Variants in FERMT3 observed in about 807,000 individuals in gnomAD.
FERMT3 encodes fermitin family homolog 3.
Under a neutral mutation model 80.8 loss-of-function variants are expected in FERMT3, and 33 were observed. The ratio of observed to expected loss-of-function variants is 0.41; its 90% CI spans 0.31 to 0.55. FERMT3 has a LOEUF of 0.55. Ranked by LOEUF, FERMT3 falls within the 20% of genes least tolerant of loss-of-function variation. FERMT3 has a pLI of 0.31. For missense variants in FERMT3, 754 were observed against 908.7 expected (o/e 0.83, Z 2.19); for synonymous variants, 375 against 372.2 (o/e 1.01, Z -0.09).
At position 64,219,288 on chromosome 11, in the gene FERMT3, C is replaced by T. The variant is rs1321313679; in HGVS notation, c.824C>T (p.Ala275Val). 6.2e-7 allele frequency: 1 copy of T among 1,607,936 alleles called. No homozygotes were observed. Among genetic ancestry groups the T allele is most frequent in the African/African-American group, 1.3e-5 (1 of 74,742 alleles). The change falls in exon 7 of 15, where the codon GCC becomes GTC. Residue 275 changes from alanine to valine, a missense_variant. Physicochemically the swap from Ala to Val is moderately conservative, Grantham distance 64 (BLOSUM62 0). Coordinates refer to ENST00000345728, the MANE Select transcript of FERMT3 (RefSeq NM_031471.6). The surrounding 1 kb of genome is among the most constrained non-coding windows in gnomAD (Gnocchi z 4.0). ...CGGCTGACACAGCTGTATGAGCAGGCCCGGTGGGACCTGCTGCTGGAGGAG... is the reference window on the plus strand; with the variant it reads ...CGGCTGACACAGCTGTATGAGCAGGTCCGGTGGGACCTGCTGCTGGAGGAG... The part of the protein sequence containing the change: ...PVRLTQLYEQ[A>V]RWDLLLEEID...
chr11:64,222,919 G>T, intron 13 of FERMT3, 129 bp from the exon 14 acceptor site: 2 of 1,278,548 alleles, frequency 1.6e-6, no homozygotes, highest in Non-Finnish European at 2.2e-6. Context: ...CAAATGGCTT[G>T]CTCAGGGTTA....
chr11:64,223,313 G>A lies in FERMT3; in HGVS notation c.1813G>A (p.Val605Met), dbSNP rs749901987. The A allele has an allele frequency of 7.4e-6, 12 of 1,613,856 alleles. No individual in the cohort carries two copies. In the African/African-American group the frequency reaches 1.3e-4, roughly 18 times the overall value. ...QWNVNWDIRQ[V>M]AIEFDEHINV... ...ATTTGCCCCTCTGTCTGCCCTTCAG[G>A]TGGCCATCGAGTTTGATGAACACAT... Residue 605 changes from valine (V) to methionine (M), a missense_variant and splice_region_variant, in exon 15 of 15, where the codon GTG becomes ATG. Transcript: ENST00000345728.
chr11:64,210,974 C>T lies in FERMT3; in HGVS notation c.395-78C>T. On this transcript the variant is annotated intron_variant, in intron 3 of 14. Transcript: ENST00000345728. The surrounding 1 kb of genome is among the most constrained non-coding windows in gnomAD (Gnocchi z 4.3). ...TGCCACCCTGCCTGCAGGGCTGTGACCCGCCCCAAGCACCCATGGGTGAGG... is the reference window on the plus strand; with the variant it reads ...TGCCACCCTGCCTGCAGGGCTGTGATCCGCCCCAAGCACCCATGGGTGAGG... 1 of 1,607,364 alleles carries T rather than the reference C, an allele frequency of 6.2e-7. No individual in the cohort carries two copies. Among genetic ancestry groups the T allele is most frequent in the East Asian group, 2.3e-5 (1 of 44,322 alleles).
intron 2 of FERMT3, chr11:64,207,734 T>G: frequency 1.2e-5 from 7 of 578,744 alleles, no homozygotes; most frequent in African/African-American, 1.9e-5. Context: ...CTGCTGCAGC[T>G]GGTCTGCTAA....
Position 64,211,789 on chromosome 11 carries a change from A to G in FERMT3, c.786+42A>G. 3.8e-6 allele frequency: 6 copies of G among 1,585,370 alleles called. No homozygotes were observed. The highest frequency in any genetic ancestry group is 5.2e-6 in the Non-Finnish European group (6 of 1,154,032). On this transcript the variant is annotated intron_variant, in intron 6 of 14. Coordinates refer to ENST00000345728, the MANE Select transcript of FERMT3 (RefSeq NM_031471.6). The surrounding 1 kb of genome is among the most constrained non-coding windows in gnomAD (Gnocchi z 4.7). Reference sequence around the variant, plus strand: ...AGAAAGCGGGCCTCAGGTCCATGAGATGTGGAGACCTAGGGCCTGGGGTAT... The same window carrying G: ...AGAAAGCGGGCCTCAGGTCCATGAGGTGTGGAGACCTAGGGCCTGGGGTAT...
chr11:64,217,457 G>A (rs2134871962), intron 6 of FERMT3, among the ~76,000 whole-genome samples: 1 of 152,266 alleles, frequency 6.6e-6, no homozygotes, highest in South Asian at 2.1e-4. Flanking sequence ...GCTGAGGCAG[G>A]AGAATCGCTT....
At position 64,220,188 on chromosome 11, in the gene FERMT3, G is replaced by A. The variant is rs565517182; in HGVS notation, c.1205-32G>A. The A allele has an allele frequency of 3.0e-5, 49 of 1,607,610 alleles. No individual in the cohort carries two copies. The South Asian group carries it at 4.3e-4, about 14-fold the overall frequency. ...GACCTCAGGCGGCTCTTCCCCTCCC[G>A]ACCTCCTAGACCACCCCTTCTCTCC... On this transcript the variant is annotated intron_variant, in intron 10 of 14. Transcript: ENST00000345728.
In FERMT3 at chr11:64,211,206, G is replaced by A; in HGVS notation, c.514+35G>A. 1.9e-6 allele frequency: 3 copies of A among 1,583,940 alleles called. No homozygotes were observed. The highest frequency in any genetic ancestry group is 1.1e-5 in the South Asian group (1 of 87,288). On this transcript the variant is annotated intron_variant, in intron 4 of 14. Transcript: ENST00000345728. This position sits in a 1 kb window ranked among gnomAD's most constrained non-coding sequence, Gnocchi z 4.7. ...AGTGGGGGTGGGCCTGGGGGGTTGG[G>A]GGCAGGGGCCGGCCCGTGAGTCCCA...
At chr11:64,218,141 T>C (rs1045840778) in intron 6 of FERMT3, among the ~76,000 whole-genome samples, 2 of 151,576 alleles carry the variant, frequency 1.3e-5, no homozygotes, top group Non-Finnish European at 2.9e-5. Flanking sequence ...GTAGCTGGGA[T>C]TACAGGCGCC....
At chr11:64,222,585 A>G (rs1041854868) in intron 13 of FERMT3, among the ~76,000 whole-genome samples, 3 of 147,944 alleles carry the variant, frequency 2.0e-5, no homozygotes, top group Admixed American at 6.8e-5. Flanking sequence ...AAAAAAAAAA[A>G]GAGATTTCAG....
At chr11:64,208,071 AGGAAGACCCCGATAGGCAGAGCC>A (rs1336675775) in intron 2 of FERMT3, among the ~76,000 whole-genome samples, 1 of 151,358 alleles carries the variant, frequency 6.6e-6, no homozygotes, top group Admixed American at 6.6e-5. Context: ...AGAGAGCAGC[AGGAAGACCCCGATAGGCAGAGCC>A]GGAAGACAGG....
chr11:64,219,655 G>C lies in FERMT3; in HGVS notation c.1026G>C (p.Val342=). 1.2e-6 allele frequency: 2 copies of C among 1,613,696 alleles called. No individual in the cohort carries two copies. Among genetic ancestry groups the C allele is most frequent in the Non-Finnish European group, 1.7e-6 (2 of 1,179,958 alleles). ...TGGAGGGGTCGGCGCCCACAGATGT[G>C]CTGGTGAGGAGGGGCTCAGGGCAGG... ...VKLEGSAPTD[V]LDSLTTIPEL... is the part of the protein sequence containing the mutation. The change falls in exon 8 of 15, where the codon GTG becomes GTC. Residue 342 remains valine, a synonymous_variant. Transcript: ENST00000345728. The surrounding 1 kb of genome is among the most constrained non-coding windows in gnomAD (Gnocchi z 4.0).
rs1452741056 is a variant in FERMT3 at position 64,220,641 on chromosome 11, G to A, written c.1517G>A (p.Arg506His). 9.9e-6 allele frequency: 16 copies of A among 1,611,450 alleles called. No homozygotes were observed. Among genetic ancestry groups the A allele is most frequent in the Admixed American group, 8.4e-5 (5 of 59,748 alleles). The change falls in exon 12 of 15, where the codon CGT becomes CAT. Residue 506 changes from arginine (R) to histidine (H), a missense_variant. Coordinates refer to ENST00000345728, the MANE Select transcript of FERMT3 (RefSeq NM_031471.6). ...GLNPYGLVAP[R>H]FQRKFKAKQL... ...AACCCCTACGGCCTCGTTGCCCCCC[G>A]TTTCCAGCGAAAGTTCAAGGCCAAG...
Position 64,219,873 on chromosome 11 carries a change from C to T in FERMT3, c.1080-18C>T. 1 of 1,613,840 alleles carries T rather than the reference C, an allele frequency of 6.2e-7. No individual in the cohort carries two copies. Among genetic ancestry groups the T allele is most frequent in the Non-Finnish European group, 8.5e-7 (1 of 1,179,988 alleles). On this transcript the variant is annotated intron_variant, in intron 9 of 14. Transcript: ENST00000345728. This position sits in a 1 kb window ranked among gnomAD's most constrained non-coding sequence, Gnocchi z 4.0. ...AGGGGGTGAGGCGGCCTTTCACAAA[C>T]CCCAGCATCCCACGAAGGCCCCGGA... is the stretch of plus-strand genomic sequence containing the variant.
In FERMT3 at chr11:64,211,166, C is replaced by T. The variant is rs1195528393; in HGVS notation, c.509C>T (p.Ala170Val). 3.6e-6 allele frequency: 3 copies of T among 842,634 alleles called. No homozygotes were observed. The highest frequency in any genetic ancestry group is 4.6e-6 in the Non-Finnish European group (3 of 653,404). The allele number at this position is 842,634 out of a possible 1,614,324, so 52.2% of individuals were successfully genotyped here. The part of the protein sequence containing the change: ...ELYDLSKVVL[A>V]GGVAPALFRG... ...TATGACTTGAGCAAGGTTGTCTTGG[C>T]TGGGGGTGAGTGCAAGTGGGGGTGG... Residue 170 changes from alanine to valine, a missense_variant, in exon 4 of 15, where the codon GCT (alanine) becomes GTT (valine). Transcript: ENST00000345728. This position sits in a 1 kb window ranked among gnomAD's most constrained non-coding sequence, Gnocchi z 4.7.
At position 64,223,729 on chromosome 11, in the gene FERMT3, C is replaced by A. The variant is rs542157323; in HGVS notation, c.*237C>A. On this transcript the variant is annotated 3_prime_UTR_variant, in exon 15 of 15. Coordinates refer to ENST00000345728, the MANE Select transcript of FERMT3 (RefSeq NM_031471.6). ...CTCATGTGGTGCCCCCTTTCCTTGT[C>A]TGAGTGGCTGAGGCTGATACCCCTG... 21 of 752,750 alleles carry A rather than the reference C, an allele frequency of 2.8e-5. No homozygotes were observed. The African/African-American group carries it at 3.7e-4, about 13-fold the overall frequency. The allele number at this position is 752,750 out of a possible 1,614,324, so 46.6% of individuals were successfully genotyped here.
rs1164850165 is a variant in FERMT3, at chr11:64,220,016, G to T, written c.1204+1G>T. ...CCCATTCAGCAGCTCAACCTCAAGG[G>T]TAAGTGCACAGGGCCAGGGGCTGGG... On this transcript the variant is annotated splice_donor_variant, in intron 10 of 14. Transcript: ENST00000345728. LOFTEE classifies it high-confidence loss of function. 2.5e-6 allele frequency: 4 copies of T among 1,613,448 alleles called. No homozygotes were observed. Among genetic ancestry groups the T allele is most frequent in the South Asian group, 1.1e-5 (1 of 91,082 alleles).
At position 64,220,954 on chromosome 11, in the gene FERMT3, G is replaced by A. The variant is rs563585793; in HGVS notation, c.1546-62G>A. The stretch of plus-strand genomic sequence containing the variant: ...CTGTCACCCTGATGGGGAGGTGGGG[G>A]CTCGGTGACTCTGGAGGAGGGGAAT... On this transcript the variant is annotated intron_variant, in intron 12 of 14. Transcript: ENST00000345728. 6 of 1,587,438 alleles carry A rather than the reference G, an allele frequency of 3.8e-6. No individual in the cohort carries two copies. The Admixed American group carries it at 5.0e-5, about 13-fold the overall frequency.
Position 64,220,606 on chromosome 11 carries a change from C to G in FERMT3, c.1482C>G (p.Ala494=). The G allele has an allele frequency of 1.2e-6, 2 of 1,611,022 alleles. No homozygotes were observed. Among genetic ancestry groups the G allele is most frequent in the South Asian group, 1.1e-5 (1 of 90,730 alleles). The stretch of plus-strand genomic sequence containing the variant: ...ACCCCCACGGCCCTGATGCCTCTGC[C>G]GAGGGCCTCAACCCCTACGGCCTCG... The part of the protein sequence containing the change: ...GNHPHGPDAS[A]EGLNPYGLVA... The change falls in exon 12 of 15, where the codon GCC becomes GCG. Residue 494 remains alanine (A), a synonymous_variant. Coordinates refer to ENST00000345728, the MANE Select transcript of FERMT3 (RefSeq NM_031471.6).
Sources: allele counts gnomAD v4.1 joint callset (sites outside exome capture counted in the v4.1 genomes callset), GRCh38; gene constraint gnomAD v4.1.1; non-coding constraint Gnocchi (gnomAD v3.1); transcripts MANE v1.5; gene names NCBI Gene and HGNC (gene_info 2026-07-23, HGNC 2026-07-21).